IGF2BP1: variants seen among roughly 807,000 people sequenced by gnomAD.
IGF2BP1 encodes the protein insulin-like growth factor 2 mRNA-binding protein 1.
IGF2BP1 carries 11 observed loss-of-function variants against 74.9 expected under a neutral mutation model. The observed-to-expected ratio is 0.15, with a 90% CI of 0.09 to 0.24. The LOEUF is 0.24. IGF2BP1 is among the 10% of genes least tolerant of loss of function. IGF2BP1 has a pLI of 1.00. For synonymous variants in IGF2BP1, 287 were observed against 281.8 expected (o/e 1.02, Z -0.18); for missense variants, 440 against 757.4 (o/e 0.58, Z 4.92).
chr17:49,030,342 G>GT (rs2041908537), intron 4 of IGF2BP1, among the ~76,000 whole-genome samples: 1 of 151,832 alleles, frequency 6.6e-6, no homozygotes, highest in Non-Finnish European at 1.5e-5. Flanking sequence ...GGGTTTTGCC[G>GT]TGTTGGCCAG....
chr17:48,999,405 T>C (rs1452345221), intron 2 of IGF2BP1, among the ~76,000 whole-genome samples: 3 of 152,024 alleles, frequency 2.0e-5, no homozygotes, highest in African/African-American at 7.2e-5. Context: ...AAGATGTTAC[T>C]TGCAGAATTA....
chr17:49,002,629 A>T (rs1037783412), intron 2 of IGF2BP1, among the ~76,000 whole-genome samples: 3 of 152,110 alleles, frequency 2.0e-5, no homozygotes, highest in Non-Finnish European at 4.4e-5. Context: ...CTACTATTCA[A>T]CATGGAAGTT....
At chr17:48,999,004 GA>G in intron 1 of IGF2BP1, 104 bp from the exon 2 acceptor site, 2 of 703,902 alleles carry the variant, frequency 2.8e-6, no homozygotes, top group South Asian at 3.4e-5. Flanking sequence ...GGAAGATCTC[GA>G]ATCCCAGTAA....
At chr17:49,042,435 T>C (rs2042062367) in intron 9 of IGF2BP1, 58 bp downstream of exon 9, 1 of 1,602,516 alleles carries the variant, frequency 6.2e-7, no homozygotes, top group South Asian at 1.1e-5. Context: ...AACAGCAGCT[T>C]GTGGGGTGCA....
At chr17:49,034,084 C>T (rs75084919) in intron 5 of IGF2BP1, among the ~76,000 whole-genome samples, 1 of 133,098 alleles carries the variant, frequency 7.5e-6, no homozygotes, top group South Asian at 2.4e-4. Flanking sequence ...TCAGCCCCCC[C>T]AAAGTGTTAG....
chr17:49,050,993 C>T lies in IGF2BP1; in HGVS notation c.*1549C>T, dbSNP rs2042160900. ...GGAAAAGCCCATGCGTGGAGTTCCC[C>T]TCCTTTCAACATTGCAACAACAGTA... is the stretch of plus-strand genomic sequence containing the variant. On this transcript the variant is annotated 3_prime_UTR_variant, in exon 15 of 15. Coordinates refer to ENST00000290341, the MANE Select transcript of IGF2BP1 (RefSeq NM_006546.4). 6.6e-6 allele frequency: 1 copy of T among 152,588 alleles called. No individual in the cohort carries two copies. Among genetic ancestry groups the T allele is most frequent in the Non-Finnish European group, 1.5e-5 (1 of 68,036 alleles). 9.5% of individuals were successfully genotyped at this position (152,588 alleles called of 1,614,324 possible).
intron 2 of IGF2BP1, among the ~76,000 whole-genome samples, chr17:49,011,703 G>A (rs1364338370): frequency 1.3e-5 from 2 of 151,100 alleles, no homozygotes; most frequent in East Asian, 1.9e-4. Context: ...AAAAAAAAAC[G>A]TTGGGAACAG....
At chr17:49,017,874 T>C (rs1284816613) in intron 2 of IGF2BP1, 2 of 152,018 alleles carry the variant, frequency 1.3e-5, no homozygotes, top group Non-Finnish European at 2.9e-5. Flanking sequence ...CCTCCCAAAG[T>C]GCCTCAACTT....
intron 12 of IGF2BP1, 126 bp from the exon 13 acceptor site, chr17:49,045,764 G>A: frequency 2.1e-6 from 2 of 973,530 alleles, no homozygotes; most frequent in Non-Finnish European, 3.0e-6. Flanking sequence ...GCCTTAGATG[G>A]TTAGCCCGCC....
intron 5 of IGF2BP1, among the ~76,000 whole-genome samples, chr17:49,034,362 G>A (rs894639701): frequency 8.0e-5 from 12 of 150,810 alleles, no homozygotes; most frequent in South Asian, 2.1e-4. Context: ...CAGGCGATCC[G>A]CCCACCTTGG....
chr17:49,019,901 AATTTATATAT>A (rs1379445506), intron 2 of IGF2BP1, among the ~76,000 whole-genome samples: 1 of 51,440 alleles, frequency 1.9e-5, no homozygotes, highest in African/African-American at 8.0e-5. Flanking sequence ...ACACCTGGCT[AATTTATATAT>A]ATATATATAT....
intron 5 of IGF2BP1, among the ~76,000 whole-genome samples, chr17:49,032,886 GCTCACT>G (rs2041941505): frequency 6.6e-6 from 1 of 152,010 alleles, no homozygotes; most frequent in East Asian, 1.9e-4. Context: ...CATGATATCT[GCTCACT>G]GCAACCTCAA....
rs4008049 is a variant in IGF2BP1 at position 49,055,142 on chromosome 17, TAAAAA to T, written c.*5707_*5711del. 2.1e-5 allele frequency: 3 copies of T among 142,540 alleles called. No individual in the cohort carries two copies. The highest frequency in any genetic ancestry group is 1.5e-5 in the Non-Finnish European group (1 of 65,110). The allele number at this position is 142,540 out of a possible 1,614,324, so 8.8% of individuals were successfully genotyped here. On this transcript the variant is annotated 3_prime_UTR_variant, in exon 15 of 15. Coordinates refer to ENST00000290341, the MANE Select transcript of IGF2BP1 (RefSeq NM_006546.4). ...GAGAATACTTTCCAAAAAATAAAAT[TAAAAA>T]AAAAAAAACCAAAAAAAAAAATTTT...
intron 4 of IGF2BP1, among the ~76,000 whole-genome samples, chr17:49,029,467 TC>T (rs2041896634): frequency 6.6e-6 from 1 of 152,188 alleles, no homozygotes; most frequent in Non-Finnish European, 1.5e-5. Flanking sequence ...GATGACAGAT[TC>T]TTTGCACTGA....
chr17:49,034,017 G>A (rs996024730), intron 5 of IGF2BP1, among the ~76,000 whole-genome samples: 1 of 150,914 alleles, frequency 6.6e-6, no homozygotes, highest in East Asian at 2.0e-4. Context: ...AGAGATGGGA[G>A]TCTCGCTATG....
In IGF2BP1 at chr17:48,997,497, C is replaced by G; in HGVS notation, c.-249C>G. The G allele has an allele frequency of 2.1e-6, 1 of 476,850 alleles. No individual in the cohort carries two copies. Among genetic ancestry groups the G allele is most frequent in the Admixed American group, 3.9e-5 (1 of 25,514 alleles). 29.5% of individuals were successfully genotyped at this position (476,850 alleles called of 1,614,324 possible). A position where few individuals can be genotyped will look rare whatever the true frequency, so the allele number is the denominator to read the frequency against. On this transcript the variant is annotated 5_prime_UTR_variant, in exon 1 of 15. Transcript: ENST00000290341. The surrounding 1 kb of genome is among the most constrained non-coding windows in gnomAD (Gnocchi z 4.8). The stretch of plus-strand genomic sequence containing the variant: ...GTTTCGGACCGAAGGGAAGAAGCTG[C>G]GCCGTGTCGTCCGTCTCCCTGCGCG...
At chr17:49,001,316 GAAC>G (rs2041485456) in intron 2 of IGF2BP1, among the ~76,000 whole-genome samples, 1 of 152,032 alleles carries the variant, frequency 6.6e-6, no homozygotes, top group African/African-American at 2.4e-5. Context: ...TAAGCAAAAT[GAAC>G]AACTATACAA....
rs1353910536 is a variant in IGF2BP1 at position 49,052,200 on chromosome 17, A to G, written c.*2756A>G. 6.6e-6 allele frequency: 1 copy of G among 152,216 alleles called. No homozygotes were observed. The highest frequency in any genetic ancestry group is 1.5e-5 in the Non-Finnish European group (1 of 68,052). The allele number at this position is 152,216 out of a possible 1,614,324, so 9.4% of individuals were successfully genotyped here. ...AGAATTAAGCCTCTCCACCTGTCCC[A>G]ACCATAAAAAGGGTCTCCCAGCTTT... is the stretch of plus-strand genomic sequence containing the variant. On this transcript the variant is annotated 3_prime_UTR_variant, in exon 15 of 15. Coordinates refer to ENST00000290341, the MANE Select transcript of IGF2BP1 (RefSeq NM_006546.4).
chr17:49,027,690 A>G (rs1165840386), intron 4 of IGF2BP1, among the ~76,000 whole-genome samples: 1 of 151,448 alleles, frequency 6.6e-6, no homozygotes, highest in Non-Finnish European at 1.5e-5. Context: ...GTCTCTACTG[A>G]AAATATAAAA....
Sources: allele counts gnomAD v4.1 joint callset (sites outside exome capture counted in the v4.1 genomes callset), GRCh38; gene constraint gnomAD v4.1.1; non-coding constraint Gnocchi (gnomAD v3.1); transcripts MANE v1.5; gene names NCBI Gene and HGNC (gene_info 2026-07-23, HGNC 2026-07-21).